Variants in KDM2A observed in about 807,000 individuals in gnomAD.
KDM2A encodes the protein lysine-specific demethylase 2A.
A neutral mutation model predicts 137.3 loss-of-function variants in KDM2A; 3 were observed. That is an observed-to-expected ratio of 0.02 (90% CI 0.01 to 0.06). The LOEUF is 0.06. Among genes scored for constraint, KDM2A ranks in the 10% least tolerant of loss-of-function variants. KDM2A has a pLI of 1.00. For missense variants in KDM2A, 738 were observed against 1,510.6 expected, an observed-to-expected ratio of 0.49 and a Z score of 8.48; for synonymous variants, 512 against 541.5, an observed-to-expected ratio of 0.95 and a Z score of 0.76.
chr11:67,215,578 CT>C, intron 7 of KDM2A, 132 bp downstream of exon 7: 1 of 663,056 alleles, frequency 1.5e-6, no homozygotes, highest in East Asian at 2.7e-5. Context: ...AAAGATGAGA[CT>C]TTACAGTTCC....
At chr11:67,212,408 T>G (rs1858021795) in intron 6 of KDM2A, among the ~76,000 whole-genome samples, 1 of 152,166 alleles carries the variant, frequency 6.6e-6, no homozygotes, top group South Asian at 2.1e-4. Flanking sequence ...AGAGATTATT[T>G]AGTGCTGCCA....
intron 10 of KDM2A, 95 bp from the exon 11 acceptor site, chr11:67,227,942 A>T: frequency 1.6e-6 from 2 of 1,284,902 alleles, no homozygotes; most frequent in Non-Finnish European, 2.2e-6. Context: ...TTGACTGGTG[A>T]GAGTATTTCC....
At chr11:67,225,605 TACTA>T (rs1221547342) in intron 10 of KDM2A, among the ~76,000 whole-genome samples, 1 of 151,598 alleles carries the variant, frequency 6.6e-6, no homozygotes, top group East Asian at 1.9e-4. Context: ...GGCGTGTTTC[TACTA>T]AAAATACAAA....
chr11:67,237,127 G>A (rs1189393292), intron 12 of KDM2A, among the ~76,000 whole-genome samples: 3 of 152,002 alleles, frequency 2.0e-5, no homozygotes. Context: ...TTATATAAAT[G>A]GTAAAAACTC....
At chr11:67,179,456 A>G (rs1359036480) in intron 2 of KDM2A, among the ~76,000 whole-genome samples, 3 of 152,102 alleles carry the variant, frequency 2.0e-5, no homozygotes, top group Non-Finnish European at 4.4e-5. Context: ...TATTTTTAGT[A>G]GAGACATGGT....
intron 5 of KDM2A, among the ~76,000 whole-genome samples, chr11:67,188,595 A>G (rs1857267225): frequency 1.3e-5 from 2 of 151,868 alleles, no homozygotes; most frequent in Admixed American, 6.6e-5. Flanking sequence ...GTTTGAGACT[A>G]CCCTGGGTAA....
intron 5 of KDM2A, among the ~76,000 whole-genome samples, chr11:67,188,799 A>G (rs2136346714): frequency 6.6e-6 from 1 of 152,158 alleles, no homozygotes; most frequent in Middle Eastern, 3.4e-3. Context: ...TCAAAAAAAA[A>G]AAAAAAAAAA....
chr11:67,247,059 A>ATTTTT (rs1565424103), intron 15 of KDM2A, among the ~76,000 whole-genome samples: 4 of 22,528 alleles, frequency 1.8e-4, no homozygotes, highest in African/African-American at 7.6e-4. Flanking sequence ...ATATATATAT[A>ATTTTT]TATATATATA....
intron 5 of KDM2A, among the ~76,000 whole-genome samples, chr11:67,182,332 A>G (rs1175167438): frequency 6.6e-6 from 1 of 152,214 alleles, no homozygotes; most frequent in Non-Finnish European, 1.5e-5. Context: ...AAGTAGATAC[A>G]TTAAAATTGA....
intron 2 of KDM2A, among the ~76,000 whole-genome samples, chr11:67,140,457 G>T (rs956184173): frequency 6.6e-6 from 1 of 151,954 alleles, no homozygotes; most frequent in Admixed American, 6.6e-5. Context: ...AACCTTAAAA[G>T]AAGTTACAAG....
chr11:67,140,581 G>A lies in KDM2A; in HGVS notation c.42+19223G>A, dbSNP rs186416336. Among the ~76,000 whole-genome samples the A allele has an allele frequency of 1.1e-4, 16 of 152,036 alleles. No individual in the cohort carries two copies. The East Asian group carries it at 3.1e-3, about 29-fold the overall frequency. ...AGCCTGGCCAACATGGTGAAACCCTGCCTCTACTAAAAATACAAAAAATTA... is the reference window on the plus strand; with the variant it reads ...AGCCTGGCCAACATGGTGAAACCCTACCTCTACTAAAAATACAAAAAATTA... On this transcript the variant is annotated intron_variant, in intron 2 of 20. Transcript: ENST00000529006.
intron 2 of KDM2A, among the ~76,000 whole-genome samples, chr11:67,127,134 G>A (rs534868267): frequency 1.4e-3 from 210 of 152,208 alleles, no homozygotes; most frequent in African/African-American, 4.6e-3. Flanking sequence ...GTCTCACTCC[G>A]TTGCCCAGGC....
At chr11:67,157,981 TTTAAA>T (rs1280620763) in intron 2 of KDM2A, among the ~76,000 whole-genome samples, 1 of 152,090 alleles carries the variant, frequency 6.6e-6, no homozygotes, top group Non-Finnish European at 1.5e-5. Context: ...ATGTTTATAG[TTTAAA>T]TTAGGTTTCC....
intron 5 of KDM2A, among the ~76,000 whole-genome samples, chr11:67,203,244 G>C (rs1339891130): frequency 6.6e-6 from 1 of 151,472 alleles, no homozygotes; most frequent in Non-Finnish European, 1.5e-5. Flanking sequence ...CAGTGCTGTT[G>C]TACACTTAAT....
chr11:67,237,064 T>C lies in KDM2A; in HGVS notation c.1479+5104T>C, dbSNP rs981842214. Among the ~76,000 whole-genome samples the C allele has an allele frequency of 2.6e-5, 4 of 152,340 alleles. No homozygotes were observed. In the South Asian group the frequency reaches 8.3e-4, roughly 32 times the overall value. ...AGGGAAAGAGATGTTCCAGTCTTAA[T>C]TCACCAGCTAATAAACTTTCCTGTT... On this transcript the variant is annotated intron_variant, in intron 12 of 20. Coordinates refer to ENST00000529006, the MANE Select transcript of KDM2A (RefSeq NM_012308.3).
chr11:67,199,017 G>A (rs776578039), intron 5 of KDM2A, among the ~76,000 whole-genome samples: 21 of 152,044 alleles, frequency 1.4e-4, no homozygotes, highest in Non-Finnish European at 2.6e-4. Context: ...GACCTCAAGT[G>A]ATTCACCCGC....
rs1859391262 is a variant in KDM2A at position 67,250,645 on chromosome 11, A to AGGG, written c.2619_2621dup (p.Gly874dup). ...GAGGAGGAAGATGACAGTGCAGAGG[A>AGGG]GGGGGGTGCAGCCAGGCTGAATGGC... On this transcript the variant is annotated inframe_insertion, in exon 17 of 21. Transcript: ENST00000529006. This position sits in a 1 kb window ranked among gnomAD's most constrained non-coding sequence, Gnocchi z 7.1. 6.2e-7 allele frequency: 1 copy of AGGG among 1,609,438 alleles called. No individual in the cohort carries two copies. The highest frequency in any genetic ancestry group is 1.7e-5 in the Admixed American group (1 of 59,796).
rs757056005 is a variant in KDM2A at position 67,250,544 on chromosome 11, G to A, written c.2514G>A (p.Gln838=). 3 of 1,613,876 alleles carry A rather than the reference G, an allele frequency of 1.9e-6. No individual in the cohort carries two copies. The highest frequency in any genetic ancestry group is 2.2e-5 in the South Asian group (2 of 91,086). The change falls in exon 17 of 21, where the codon CAG becomes CAA. Residue 838 remains glutamine, a synonymous_variant. Coordinates refer to ENST00000529006, the MANE Select transcript of KDM2A (RefSeq NM_012308.3). This position sits in a 1 kb window ranked among gnomAD's most constrained non-coding sequence, Gnocchi z 7.1. Reference sequence around the variant, plus strand: ...GCCATTCCCCCCGTGTGCTAGTGCAGCACTGCCCAGCCCGAACCCCCCAGC... The same window carrying A: ...GCCATTCCCCCCGTGTGCTAGTGCAACACTGCCCAGCCCGAACCCCCCAGC... ...NLRHSPRVLV[Q]HCPARTPQRG...
intron 2 of KDM2A, among the ~76,000 whole-genome samples, chr11:67,169,759 C>CTCTCTCTCTCTCTCCCT (rs756503460): frequency 1.5e-5 from 1 of 65,696 alleles, no homozygotes; most frequent in Non-Finnish European, 2.4e-5. Context: ...CTCTCTCTCT[C>CTCTCTCTCTCTCTCCCT]TTTTTTTTTT....
Sources: gnomAD v4.1 joint callset for allele counts (sites outside exome capture counted in the v4.1 genomes callset) on GRCh38, gnomAD v4.1.1 for gene constraint, Gnocchi (gnomAD v3.1) non-coding constraint, MANE v1.5 for transcripts, NCBI Gene and HGNC (gene_info 2026-07-23, HGNC 2026-07-21) for gene names.